SLC17A4: variants seen among roughly 807,000 people sequenced by gnomAD.
SLC17A4 encodes the protein probable small intestine urate exporter.
SLC17A4 carries 33 observed loss-of-function variants against 52.5 expected under a neutral mutation model. That is an observed-to-expected ratio of 0.63 (90% confidence interval 0.48 to 0.84). SLC17A4 has a LOEUF of 0.84. Among genes scored for constraint, SLC17A4 ranks in the 40% least tolerant of loss-of-function variants. SLC17A4 has a pLI of 0.00. For synonymous variants in SLC17A4, 225 were observed against 216.2 expected (o/e 1.04, Z -0.36); for missense variants, 585 against 597.1 (o/e 0.98, Z 0.21).
At position 25,776,852 on chromosome 6, in the gene SLC17A4, G is replaced by A. The variant is rs755617531; in HGVS notation, c.1161G>A (p.Trp387Ter). The A allele has an allele frequency of 1.9e-5, 30 of 1,613,686 alleles. No homozygotes were observed. Among genetic ancestry groups the A allele is most frequent in the Non-Finnish European group, 2.4e-5 (28 of 1,179,908 alleles). The change falls in exon 10 of 12, where the codon TGG becomes TGA. Residue 387 changes from tryptophan (W) to a stop codon, truncating the protein, a stop_gained. Transcript: ENST00000377905. LOFTEE classifies it high-confidence loss of function. ...FPSVILVSLPWVRSSHSMTMT... is the reference protein window; with the variant it reads ...FPSVILVSLP ...CCGTGATCCTCGTGTCCCTGCCCTG[G>A]GTCAGATCCAGCCACAGCATGACCA...
chr6:25,767,990 C>T (rs540664422), intron 2 of SLC17A4, among the ~76,000 whole-genome samples: 44 of 152,254 alleles, frequency 2.9e-4, no homozygotes, highest in African/African-American at 1.0e-3. Context: ...AATTCCACCT[C>T]GGACTGAGTA....
At chr6:25,776,326 TA>T in intron 8 of SLC17A4, among the ~76,000 whole-genome samples, 1 of 152,190 alleles carries the variant, frequency 6.6e-6, no homozygotes, top group Non-Finnish European at 1.5e-5. Context: ...ACCCTTTGCC[TA>T]TTTTTGTACT....
At chr6:25,766,031 A>T (rs1371278062) in intron 2 of SLC17A4, among the ~76,000 whole-genome samples, 2 of 151,720 alleles carry the variant, frequency 1.3e-5, no homozygotes, top group Non-Finnish European at 2.9e-5. Flanking sequence ...TTATAGGGAA[A>T]GTACATAAGT....
chr6:25,773,741 A>G, intron 8 of SLC17A4, 67 bp downstream of exon 8: 1 of 1,532,568 alleles, frequency 6.5e-7, no homozygotes, highest in Non-Finnish European at 8.9e-7. Flanking sequence ...CTCATATATA[A>G]TCCTCTGTCT....
chr6:25,767,915 C>T (rs1762155413), intron 2 of SLC17A4, among the ~76,000 whole-genome samples: 1 of 152,118 alleles, frequency 6.6e-6, no homozygotes. Flanking sequence ...GGAAAAAGAA[C>T]AGTTACACAA....
At chr6:25,776,365 C>G (rs558722764) in intron 8 of SLC17A4, among the ~76,000 whole-genome samples, 1 of 151,152 alleles carries the variant, frequency 6.6e-6, no homozygotes, top group Admixed American at 6.6e-5. Context: ...ATATTTATTT[C>G]CAGGTGATTT....
At chr6:25,770,871 A>T (rs1762422145) in intron 5 of SLC17A4, 55 bp from the exon 6 acceptor site, 3 of 1,375,896 alleles carry the variant, frequency 2.2e-6, no homozygotes, top group Non-Finnish European at 3.1e-6. Flanking sequence ...TAGAAAGCAC[A>T]TAGAGCCCCA....
intron 6 of SLC17A4, among the ~76,000 whole-genome samples, chr6:25,772,469 C>T (rs967415082): frequency 6.6e-6 from 1 of 151,992 alleles, no homozygotes; most frequent in African/African-American, 2.4e-5. Context: ...GACATGCTAG[C>T]CAAACAAAGA....
intron 10 of SLC17A4, chr6:25,777,424 C>G (rs16891011): frequency 0.043 from 6,993 of 161,694 alleles, 480 homozygotes; most frequent in African/African-American, 0.15. Context: ...ACAGGACATC[C>G]TTCATCTTCA....
rs748120844 is a variant in SLC17A4 at position 25,779,186 on chromosome 6, T to A, written c.1492T>A (p.Ter498ArgextTer7). 13 of 1,613,396 alleles carry A rather than the reference T, an allele frequency of 8.1e-6. No homozygotes were observed. The African/African-American group carries it at 1.5e-4, about 18-fold the overall frequency. Residue 498 changes from the stop codon to arginine, a stop_lost, in exon 12 of 12, where the codon TGA (stop) becomes AGA (arginine). Coordinates refer to ENST00000377905, the MANE Select transcript of SLC17A4 (RefSeq NM_005495.3). ...TAAAGAGCAGACATTCACCCACCTC[T>A]GAGCAAACCGAGAGATGTGCTAGAT... is the stretch of plus-strand genomic sequence containing the variant. ...WAKEQTFTHL* is the reference protein window; with the variant it reads ...WAKEQTFTHLR
intron 2 of SLC17A4, among the ~76,000 whole-genome samples, chr6:25,768,057 C>A (rs1762166459): frequency 6.6e-6 from 1 of 152,164 alleles, no homozygotes; most frequent in Non-Finnish European, 1.5e-5. Flanking sequence ...GACAATCCTA[C>A]AAATGTGGCA....
intron 1 of SLC17A4, among the ~76,000 whole-genome samples, chr6:25,759,297 A>G (rs1250415243): frequency 6.6e-6 from 1 of 152,182 alleles, no homozygotes; most frequent in Non-Finnish European, 1.5e-5. Flanking sequence ...AGTGTTCTGT[A>G]AATATCTGTT....
chr6:25,771,998 T>C (rs1362969794), intron 6 of SLC17A4, among the ~76,000 whole-genome samples: 1 of 152,162 alleles, frequency 6.6e-6, no homozygotes, highest in African/African-American at 2.4e-5. Flanking sequence ...ATCGCACCCC[T>C]AAATTGTTTA....
chr6:25,769,227 C>A, intron 3 of SLC17A4, 37 bp downstream of exon 3: 1 of 1,551,450 alleles, frequency 6.4e-7, no homozygotes, highest in Middle Eastern at 1.7e-4. Flanking sequence ...TTCTTTGACT[C>A]AAATAATTTG....
Position 25,779,531 on chromosome 6 carries a change from A to C in SLC17A4, c.*343A>C, listed in dbSNP as rs899479390. 1 of 203,610 alleles carries C rather than the reference A, an allele frequency of 4.9e-6. No individual in the cohort carries two copies. The highest frequency in any genetic ancestry group is 9.8e-6 in the Non-Finnish European group (1 of 101,802). The allele number at this position is 203,610 out of a possible 1,614,324, so 12.6% of individuals were successfully genotyped here. On this transcript the variant is annotated 3_prime_UTR_variant, in exon 12 of 12. Coordinates refer to ENST00000377905, the MANE Select transcript of SLC17A4 (RefSeq NM_005495.3). The stretch of plus-strand genomic sequence containing the variant: ...TGAGAATCACAAGGGAGTTGCGCCC[A>C]ACATGCAGAACATGAATCCTCTGAG...
In SLC17A4 at chr6:25,779,139, G is replaced by T. The variant is rs369079605; in HGVS notation, c.1445G>T (p.Arg482Leu). 3 of 1,613,822 alleles carry T rather than the reference G, an allele frequency of 1.9e-6. No homozygotes were observed. Among genetic ancestry groups the T allele is most frequent in the South Asian group, 1.1e-5 (1 of 91,064 alleles). ...CTGGTTTTCTACCTCATCTTTGGCC[G>T]AGCAGATGTGCAGGACTGGGCTAAA... is the stretch of plus-strand genomic sequence containing the variant. ...SGLVFYLIFG[R>L]ADVQDWAKEQ... The change falls in exon 12 of 12, where the codon CGA (arginine) becomes CTA (leucine). Residue 482 changes from arginine (R) to leucine (L), a missense_variant. Transcript: ENST00000377905.
At position 25,778,957 on chromosome 6, in the gene SLC17A4, CG is replaced by C. The variant is rs558126929; in HGVS notation, c.1360-93del. ...AGCCCATGGAAGCCAGAGTGGAGGT[CG>C]GGGAGGGAGCAGGAGGACACAGAGC... On this transcript the variant is annotated intron_variant, in intron 11 of 11. Transcript: ENST00000377905. The C allele has an allele frequency of 3.1e-4, 461 of 1,500,802 alleles. 1 individual carries two copies. The African/African-American group carries it at 5.8e-3, about 19-fold the overall frequency. The allele number at this position is 1,500,802 out of a possible 1,614,324, so 93.0% of individuals were successfully genotyped here.
rs1233845655 is a variant in SLC17A4, at chr6:25,773,681, A to G, written c.987+7A>G. ...TCAAGCCAACCTCAGAGATGTAAGT[A>G]CAGAGAAAGCTCATTCTGATCTTCT... On this transcript the variant is annotated splice_region_variant and intron_variant, in intron 8 of 11. Transcript: ENST00000377905. 6.2e-6 allele frequency: 10 copies of G among 1,611,888 alleles called. No homozygotes were observed. The highest frequency in any genetic ancestry group is 8.5e-6 in the Non-Finnish European group (10 of 1,178,886).
At chr6:25,769,978 T>A in intron 3 of SLC17A4, 89 bp from the exon 4 acceptor site, 10 of 1,088,740 alleles carry the variant, frequency 9.2e-6, no homozygotes, top group Non-Finnish European at 1.4e-5. Flanking sequence ...GAAAGATAAC[T>A]GCCAATTAAT....
Sources: gnomAD v4.1 joint callset for allele counts (sites outside exome capture counted in the v4.1 genomes callset) on GRCh38, gnomAD v4.1.1 for gene constraint, MANE v1.5 for transcripts, NCBI Gene and HGNC (gene_info 2026-07-23, HGNC 2026-07-21) for gene names.